FHIT: variants seen among roughly 807,000 people sequenced by gnomAD.
FHIT encodes bis(5'-adenosyl)-triphosphatase.
FHIT carries 19 observed loss-of-function variants against 17.9 expected under a neutral mutation model. The ratio of observed to expected loss-of-function variants is 1.06; its 90% CI spans 0.74 to 1.56. The LOEUF is 1.56. FHIT is among the 40% of genes most tolerant of loss of function. The pLI, the probability that FHIT is intolerant of heterozygous loss-of-function variation, is 0.00. For missense variants in FHIT, 248 were observed against 189.2 expected, an observed-to-expected ratio of 1.31 and a Z score of -1.82; for synonymous variants, 81 against 69.7, an observed-to-expected ratio of 1.16 and a Z score of -0.81.
intron 8 of FHIT, among the ~76,000 whole-genome samples, chr3:59,915,854 A>T (rs914534788): frequency 4.0e-5 from 6 of 150,590 alleles, no homozygotes; most frequent in Admixed American, 6.7e-5. Flanking sequence ...ATCACTTGAG[A>T]CCCGGGGTTT....
chr3:60,075,955 C>G (rs1202661612), intron 5 of FHIT, among the ~76,000 whole-genome samples: 3 of 152,048 alleles, frequency 2.0e-5, no homozygotes, highest in Non-Finnish European at 4.4e-5. Flanking sequence ...ACAAGAAAAA[C>G]AGCTACGTGT....
chr3:60,581,556 T>C (rs2037750275), intron 4 of FHIT, among the ~76,000 whole-genome samples: 1 of 152,126 alleles, frequency 6.6e-6, no homozygotes, highest in Non-Finnish European at 1.5e-5. Flanking sequence ...AAAACCATAG[T>C]GATTCCTATT....
At chr3:61,215,366 AACAG>A (rs2039639554) in intron 1 of FHIT, among the ~76,000 whole-genome samples, 1 of 152,158 alleles carries the variant, frequency 6.6e-6, no homozygotes, top group African/African-American at 2.4e-5. Context: ...ATACACCAAT[AACAG>A]ACAAACAGAA....
intron 4 of FHIT, among the ~76,000 whole-genome samples, chr3:60,777,241 C>G (rs1188529203): frequency 6.6e-6 from 1 of 152,044 alleles, no homozygotes; most frequent in Non-Finnish European, 1.5e-5. Flanking sequence ...GAACATGTGC[C>G]CAAGGTGGTC....
chr3:60,600,791 C>A (rs2682968), intron 4 of FHIT, among the ~76,000 whole-genome samples: 88,567 of 152,018 alleles, frequency 0.58, 26,384 homozygotes, highest in Middle Eastern at 0.67. Flanking sequence ...CCTACATGTC[C>A]TTTTGAGACC....
chr3:59,847,777 A>T (rs1362047946), intron 8 of FHIT, among the ~76,000 whole-genome samples: 1 of 152,172 alleles, frequency 6.6e-6, no homozygotes, highest in Admixed American at 6.5e-5. Context: ...GTTGTAGGCC[A>T]ACTCTATAGC....
chr3:60,507,201 G>A (rs143929550), intron 5 of FHIT, among the ~76,000 whole-genome samples: 4 of 152,146 alleles, frequency 2.6e-5, no homozygotes, highest in Non-Finnish European at 5.9e-5. Flanking sequence ...GGCATTGGTA[G>A]AATGAACAGG....
chr3:59,922,018 G>A (rs1370122355), intron 8 of FHIT, among the ~76,000 whole-genome samples: 2 of 152,142 alleles, frequency 1.3e-5, no homozygotes, highest in Non-Finnish European at 2.9e-5. Context: ...GATTTCCAGT[G>A]GTAGCACTGT....
chr3:59,899,841 T>C (rs1375321249), intron 8 of FHIT, among the ~76,000 whole-genome samples: 1 of 152,034 alleles, frequency 6.6e-6, no homozygotes, highest in Non-Finnish European at 1.5e-5. Context: ...GCAAGTCTCC[T>C]TCTCAAAAAA....
At chr3:59,960,887 A>T (rs982901880) in intron 7 of FHIT, among the ~76,000 whole-genome samples, 1 of 152,320 alleles carries the variant, frequency 6.6e-6, no homozygotes, top group African/African-American at 2.4e-5. Flanking sequence ...TTTTCAGAAG[A>T]TCCACATGAG....
chr3:60,261,543 A>C (rs955611223), intron 5 of FHIT, among the ~76,000 whole-genome samples: 2 of 152,064 alleles, frequency 1.3e-5, no homozygotes, highest in Non-Finnish European at 2.9e-5. Flanking sequence ...AAGAAACAAT[A>C]AACTTCAAGA....
chr3:61,151,270 G>A (rs931225813), intron 2 of FHIT, among the ~76,000 whole-genome samples: 1 of 152,174 alleles, frequency 6.6e-6, no homozygotes, highest in Non-Finnish European at 1.5e-5. Context: ...TTCTTCCTGT[G>A]ATTCTTCAAC....
intron 7 of FHIT, among the ~76,000 whole-genome samples, chr3:59,971,413 A>G (rs1246025296): frequency 6.6e-6 from 1 of 152,090 alleles, no homozygotes; most frequent in African/African-American, 2.4e-5. Flanking sequence ...ATGAATTGCT[A>G]TGTCTGAAGG....
chr3:60,829,119 A>G lies in FHIT; in HGVS notation c.-110-7108T>C, dbSNP rs149186523. Reference sequence around the variant, plus strand: ...AATAGCTCAATTAAATCTAACAACTATGTGACAAGCACCTACTATGAGCCA... The same window carrying G: ...AATAGCTCAATTAAATCTAACAACTGTGTGACAAGCACCTACTATGAGCCA... On this transcript the variant is annotated intron_variant, in intron 3 of 9. Coordinates refer to ENST00000492590, the MANE Select transcript of FHIT (RefSeq NM_002012.4). 3.5e-4 allele frequency among the ~76,000 whole-genome samples: 53 copies of G among 152,328 alleles called. No individual in the cohort carries two copies. In the East Asian group the frequency reaches 6.7e-3, roughly 19 times the overall value.
intron 5 of FHIT, among the ~76,000 whole-genome samples, chr3:60,509,602 G>A (rs1168210019): frequency 6.6e-6 from 1 of 152,174 alleles, no homozygotes; most frequent in Non-Finnish European, 1.5e-5. Flanking sequence ...ACAATGAAAT[G>A]TTAACTATAT....
intron 1 of FHIT, among the ~76,000 whole-genome samples, chr3:61,248,307 T>C (rs1190937454): frequency 6.7e-6 from 1 of 149,616 alleles, no homozygotes; most frequent in Non-Finnish European, 1.5e-5. Flanking sequence ...TGGGAGAGCG[T>C]GGGGGTGGGG....
At chr3:59,847,921 C>T (rs1357487895) in intron 8 of FHIT, among the ~76,000 whole-genome samples, 1 of 151,858 alleles carries the variant, frequency 6.6e-6, no homozygotes, top group African/African-American at 2.4e-5. Context: ...ATCTGGGTCC[C>T]AAAAAGGGAA....
At chr3:61,163,677 C>A (rs2037758496) in intron 2 of FHIT, among the ~76,000 whole-genome samples, 1 of 152,160 alleles carries the variant, frequency 6.6e-6, no homozygotes, top group Non-Finnish European at 1.5e-5. Flanking sequence ...AGAGAAAAAT[C>A]TGAATAAAGA....
intron 5 of FHIT, among the ~76,000 whole-genome samples, chr3:60,210,529 T>A (rs902772132): frequency 0.046 from 18 of 394 alleles, no homozygotes; most frequent in Admixed American, 0.15. Context: ...ATCCCCAATA[T>A]ACACCAGGGC....
Sources: gnomAD v4.1 joint callset for allele counts (sites outside exome capture counted in the v4.1 genomes callset) on GRCh38, gnomAD v4.1.1 for gene constraint, MANE v1.5 for transcripts, NCBI Gene and HGNC (gene_info 2026-07-23, HGNC 2026-07-21) for gene names.